Variants in TEAD4 observed in about 807,000 individuals in gnomAD.
TEAD4 encodes the protein transcriptional enhancer factor TEF-3.
TEAD4 carries 36 observed loss-of-function variants against 52.4 expected under a neutral mutation model. The observed-to-expected ratio is 0.69, with a 90% CI of 0.53 to 0.91. The LOEUF (loss-of-function observed/expected upper bound fraction) is 0.91. TEAD4 is among the 40% of genes least tolerant of loss of function. TEAD4 has a pLI of 0.00. For synonymous variants in TEAD4, 220 were observed against 231.0 expected (o/e 0.95, Z 0.43); for missense variants, 508 against 583.9 (o/e 0.87, Z 1.34).
At chr12:2,990,930 T>A (rs1483707004) in intron 2 of TEAD4, among the ~76,000 whole-genome samples, 2 of 152,210 alleles carry the variant, frequency 1.3e-5, no homozygotes, top group Admixed American at 1.3e-4. Flanking sequence ...CCAGGCATGG[T>A]GGCTCACTCC....
At chr12:3,010,340 G>A (rs59641273) in intron 3 of TEAD4, among the ~76,000 whole-genome samples, 7,303 of 152,308 alleles carry the variant, frequency 0.048, 565 homozygotes, top group African/African-American at 0.16. Flanking sequence ...TGCTTCAGGC[G>A]TAGCAGCAGT....
intron 10 of TEAD4, 98 bp from the exon 11 acceptor site, chr12:3,037,870 G>T: frequency 6.9e-7 from 1 of 1,444,330 alleles, no homozygotes; most frequent in Non-Finnish European, 9.3e-7. Context: ...TTTCTTCCCA[G>T]CCCTAGAGCC....
intron 2 of TEAD4, among the ~76,000 whole-genome samples, chr12:2,964,032 G>A (rs924627593): frequency 1.1e-4 from 16 of 152,094 alleles, no homozygotes; most frequent in African/African-American, 2.9e-4. Context: ...TTGCATATCC[G>A]GTAGAGGGTT....
chr12:3,017,384 A>C lies in TEAD4; in HGVS notation c.355-14A>C. ...TGACCCTGCTGAGGTCCTCCCTTGC[A>C]ATGTCTCCCCCAGGACCAGGCAGCT... On this transcript the variant is annotated splice_polypyrimidine_tract_variant and intron_variant, in intron 5 of 12. Coordinates refer to ENST00000359864, the MANE Select transcript of TEAD4 (RefSeq NM_003213.4). 6.2e-7 allele frequency: 1 copy of C among 1,614,018 alleles called. No individual in the cohort carries two copies. The highest frequency in any genetic ancestry group is 8.5e-7 in the Non-Finnish European group (1 of 1,180,000).
chr12:2,993,696 T>G (rs1170334568), intron 2 of TEAD4, among the ~76,000 whole-genome samples: 1 of 146,086 alleles, frequency 6.8e-6, no homozygotes, highest in African/African-American at 2.5e-5. Context: ...TAGACTGGTC[T>G]GAAACTCCTG....
chr12:2,988,467 C>T (rs975345508), intron 2 of TEAD4, among the ~76,000 whole-genome samples: 1 of 144,976 alleles, frequency 6.9e-6, no homozygotes, highest in African/African-American at 2.6e-5. Context: ...TGCAGTGAGC[C>T]GAGATTGCGC....
At chr12:3,014,464 G>A (rs541171578) in intron 5 of TEAD4, among the ~76,000 whole-genome samples, 4 of 152,338 alleles carry the variant, frequency 2.6e-5, no homozygotes, top group Admixed American at 1.3e-4. Context: ...GAGTTGCCTT[G>A]GAGAGATTGC....
intron 2 of TEAD4, among the ~76,000 whole-genome samples, chr12:2,966,715 T>A (rs1277266395): frequency 6.9e-4 from 105 of 152,024 alleles, no homozygotes; most frequent in Admixed American, 1.8e-3. Flanking sequence ...CCGGCGTATT[T>A]CTTTTTTTTG....
intron 2 of TEAD4, among the ~76,000 whole-genome samples, chr12:2,971,539 G>A (rs904767389): frequency 1.3e-5 from 2 of 151,568 alleles, no homozygotes; most frequent in South Asian, 4.2e-4. Context: ...GCTGTGGTGC[G>A]ATCTCGGCTC....
chr12:3,030,022 G>A (rs78147708), intron 10 of TEAD4, among the ~76,000 whole-genome samples: 1 of 152,082 alleles, frequency 6.6e-6, no homozygotes, highest in East Asian at 1.9e-4. Context: ...AGGGTCGGGG[G>A]TAGGGGCCCT....
chr12:3,020,172 C>A (rs1304647112), intron 8 of TEAD4, among the ~76,000 whole-genome samples: 2 of 152,240 alleles, frequency 1.3e-5, no homozygotes, highest in African/African-American at 4.8e-5. Context: ...CTGGGCCAGG[C>A]CCTGTTCTGG....
At chr12:3,022,399 T>C (rs1400820954) in intron 10 of TEAD4, among the ~76,000 whole-genome samples, 10 of 152,174 alleles carry the variant, frequency 6.6e-5, no homozygotes, top group African/African-American at 1.9e-4. Flanking sequence ...AAGTCCTGCA[T>C]GGGTTTCCGG....
chr12:2,999,816 C>G (rs1311988287), intron 3 of TEAD4, among the ~76,000 whole-genome samples: 1 of 152,234 alleles, frequency 6.6e-6, no homozygotes, highest in East Asian at 1.9e-4. Flanking sequence ...CCCCGCTCCT[C>G]ACACTCAGTG....
chr12:2,994,666 C>T lies in TEAD4; in HGVS notation c.-29-72C>T, dbSNP rs543961303. The T allele has an allele frequency of 1.7e-4, 249 of 1,460,680 alleles. No individual in the cohort carries two copies. Among genetic ancestry groups the T allele is most frequent in the Non-Finnish European group, 2.2e-4 (239 of 1,109,502 alleles). The allele number at this position is 1,460,680 out of a possible 1,614,324, so 90.5% of individuals were successfully genotyped here. On this transcript the variant is annotated intron_variant, in intron 2 of 12. Transcript: ENST00000359864. This position sits in a 1 kb window ranked among gnomAD's most constrained non-coding sequence, Gnocchi z 4.7. The stretch of plus-strand genomic sequence containing the variant: ...AACTGATTCGGGCTCTGGCACTCCC[C>T]GGAGTGCCTTCATCCCGTGGCCCAC...
At chr12:2,998,784 C>G (rs542665330) in intron 3 of TEAD4, among the ~76,000 whole-genome samples, 14 of 152,136 alleles carry the variant, frequency 9.2e-5, no homozygotes, top group Non-Finnish European at 1.9e-4. Flanking sequence ...CTCCTGCCTC[C>G]GAGCTTGGCG....
At chr12:2,968,954 C>T (rs1174749293) in intron 2 of TEAD4, among the ~76,000 whole-genome samples, 2 of 152,112 alleles carry the variant, frequency 1.3e-5, no homozygotes, top group African/African-American at 4.8e-5. Context: ...CTGTGCTGGG[C>T]CTGTGAGTGT....
At chr12:2,982,777 C>A (rs1382349797) in intron 2 of TEAD4, among the ~76,000 whole-genome samples, 2 of 152,192 alleles carry the variant, frequency 1.3e-5, no homozygotes, top group South Asian at 2.1e-4. Flanking sequence ...CTGGGACAGA[C>A]CCAATCCTAG....
At chr12:2,976,261 C>T (rs1225656123) in intron 2 of TEAD4, among the ~76,000 whole-genome samples, 1 of 152,054 alleles carries the variant, frequency 6.6e-6, no homozygotes, top group Non-Finnish European at 1.5e-5. Flanking sequence ...ATCTGCCCAC[C>T]TCGGCCTCCC....
In TEAD4 at chr12:2,994,410, G is replaced by C. The variant is rs570109703; in HGVS notation, c.-29-328G>C. 2.0e-4 allele frequency among the ~76,000 whole-genome samples: 30 copies of C among 152,296 alleles called. No individual in the cohort carries two copies. The highest frequency in any genetic ancestry group is 7.2e-4 in the African/African-American group (30 of 41,564). ...TTGCATTCCCACCAACAGTACCCAG[G>C]ATTTTGCATGCTTTTTGCCCAGGGT... On this transcript the variant is annotated intron_variant, in intron 2 of 12. Coordinates refer to ENST00000359864, the MANE Select transcript of TEAD4 (RefSeq NM_003213.4). This position sits in a 1 kb window ranked among gnomAD's most constrained non-coding sequence, Gnocchi z 4.7.
Sources: allele counts gnomAD v4.1 joint callset (sites outside exome capture counted in the v4.1 genomes callset), GRCh38; gene constraint gnomAD v4.1.1; non-coding constraint Gnocchi (gnomAD v3.1); transcripts MANE v1.5; gene names NCBI Gene and HGNC (gene_info 2026-07-23, HGNC 2026-07-21).